The following DAB1 variants were observed in gnomAD, a reference collection of about 807,000 sequenced individuals.
DAB1 encodes disabled homolog 1.
DAB1 carries 15 observed loss-of-function variants against 64.6 expected under a neutral mutation model. The observed-to-expected ratio is 0.23, with a 90% confidence interval of 0.16 to 0.36. The LOEUF (loss-of-function observed/expected upper bound fraction) is 0.36, where lower values mean the gene tolerates loss of function less well. DAB1 is among the 10% of genes least tolerant of loss of function. DAB1 has a pLI of 1.00. For missense variants in DAB1, 596 were observed against 706.7 expected (o/e 0.84, Z 1.78); for synonymous variants, 235 against 251.9 (o/e 0.93, Z 0.64).
rs1383799970 is a variant in DAB1, at chr1:56,998,148, G to C, written c.*16-20C>G. On this transcript the variant is annotated intron_variant, in intron 14 of 14. Coordinates refer to ENST00000371236, the MANE Select transcript of DAB1 (RefSeq NM_001365792.1). Reference sequence around the variant, plus strand: ...TGGCTCCTGTGGATAAAGGAACAAAGTGAGGCCTGCTCTTTACACTTGCAT... The same window carrying C: ...TGGCTCCTGTGGATAAAGGAACAAACTGAGGCCTGCTCTTTACACTTGCAT... 6.6e-6 allele frequency: 1 copy of C among 152,644 alleles called. No individual in the cohort carries two copies. Among genetic ancestry groups the C allele is most frequent in the Non-Finnish European group, 1.5e-5 (1 of 68,054 alleles). The allele number at this position is 152,644 out of a possible 1,614,324, so 9.5% of individuals were successfully genotyped here.
intron 5 of DAB1, among the ~76,000 whole-genome samples, chr1:58,060,823 C>T (rs1191569462): frequency 3.3e-5 from 5 of 152,242 alleles, no homozygotes; most frequent in Non-Finnish European, 7.3e-5. Context: ...ATTACCTTTG[C>T]TCACACACCT....
intron 2 of DAB1, among the ~76,000 whole-genome samples, chr1:57,226,609 A>G (rs1179067954): frequency 6.6e-6 from 1 of 151,210 alleles, no homozygotes; most frequent in Non-Finnish European, 1.5e-5. Context: ...TTCAACCTAA[A>G]AACAAGAGTG....
At position 58,332,968 on chromosome 1, in the gene DAB1, T is replaced by C. The variant is rs368491044; in HGVS notation, n.309+10384A>G. Among the ~76,000 whole-genome samples the C allele has an allele frequency of 4.6e-5, 7 of 152,298 alleles. No individual in the cohort carries two copies. The East Asian group carries it at 1.2e-3, about 25-fold the overall frequency. On this transcript the variant is annotated intron_variant and non_coding_transcript_variant, in intron 4 of 20. Transcript: ENST00000485760. ...TCTTGTCACCCAGGCTGGAGTGCAA[T>C]GGCACAGTCTCGGCTCACTGCAACC...
intron 7 of DAB1, among the ~76,000 whole-genome samples, chr1:57,534,522 T>C (rs1644702704): frequency 6.6e-6 from 1 of 152,204 alleles, no homozygotes; most frequent in Non-Finnish European, 1.5e-5. Context: ...GGGAGCCCTG[T>C]TGTGGCTTCA....
At chr1:57,471,555 A>T (rs954609394) in intron 7 of DAB1, among the ~76,000 whole-genome samples, 1 of 152,136 alleles carries the variant, frequency 6.6e-6, no homozygotes, top group African/African-American at 2.4e-5. Context: ...AATCATGGGG[A>T]CAGGTCTTTT....
At chr1:58,328,993 A>C (rs1310208483) in intron 4 of DAB1, among the ~76,000 whole-genome samples, 2 of 152,202 alleles carry the variant, frequency 1.3e-5, no homozygotes, top group Non-Finnish European at 2.9e-5. Context: ...AGCTCTTGTC[A>C]TTGAATTTAA....
At chr1:57,504,010 T>C (rs1005844069) in intron 7 of DAB1, among the ~76,000 whole-genome samples, 7 of 152,188 alleles carry the variant, frequency 4.6e-5, no homozygotes, top group Admixed American at 2.0e-4. Context: ...ATAGTGCATA[T>C]AGTACCTTTA....
intron 6 of DAB1, among the ~76,000 whole-genome samples, chr1:57,801,863 GC>G (rs1195240861): frequency 6.6e-6 from 1 of 152,080 alleles, no homozygotes; most frequent in African/African-American, 2.4e-5. Context: ...TCACCATGTT[GC>G]CCAGACTGGT....
chr1:58,197,926 T>C (rs1304257694), intron 4 of DAB1, among the ~76,000 whole-genome samples: 1 of 152,220 alleles, frequency 6.6e-6, no homozygotes, highest in African/African-American at 2.4e-5. Flanking sequence ...TTGAAAGCTG[T>C]AAATGTAAAT....
At chr1:58,073,037 A>G (rs1308742719) in intron 5 of DAB1, among the ~76,000 whole-genome samples, 5 of 152,170 alleles carry the variant, frequency 3.3e-5, no homozygotes, top group Non-Finnish European at 5.9e-5. Flanking sequence ...TGTTATTTGT[A>G]TTATTATAGC....
intron 4 of DAB1, among the ~76,000 whole-genome samples, chr1:57,096,960 G>A (rs1234189275): frequency 2.0e-5 from 3 of 152,128 alleles, no homozygotes; most frequent in Non-Finnish European, 4.4e-5. Context: ...TTGCCCCATG[G>A]GATTGTAATT....
intron 5 of DAB1, among the ~76,000 whole-genome samples, chr1:57,914,589 T>C (rs1385023318): frequency 6.6e-6 from 1 of 151,768 alleles, no homozygotes; most frequent in African/African-American, 2.4e-5. Context: ...AAAAAAAGAA[T>C]CCTATGCCTG....
At chr1:57,430,916 A>C (rs1685482804) in intron 7 of DAB1, among the ~76,000 whole-genome samples, 1 of 151,998 alleles carries the variant, frequency 6.6e-6, no homozygotes, top group East Asian at 1.9e-4. Flanking sequence ...AAGAAAAAAA[A>C]AAAAAACTTG....
intron 2 of DAB1, among the ~76,000 whole-genome samples, chr1:57,289,177 G>A (rs1672570357): frequency 6.6e-6 from 1 of 152,126 alleles, no homozygotes; most frequent in Non-Finnish European, 1.5e-5. Flanking sequence ...ATCCCCAACT[G>A]AGCCAATGTC....
At chr1:57,417,276 T>C (rs269058) in intron 1 of DAB1, among the ~76,000 whole-genome samples, 2,819 of 125,492 alleles carry the variant, frequency 0.022, 83 homozygotes, top group African/African-American at 0.075. Context: ...TTGCAAATTG[T>C]TTTTTGTGAA....
chr1:57,473,842 T>A (rs762510900), intron 7 of DAB1, among the ~76,000 whole-genome samples: 1 of 152,232 alleles, frequency 6.6e-6, no homozygotes, highest in East Asian at 1.9e-4. Flanking sequence ...TACTCATTTC[T>A]ATATATTTTT....
At chr1:57,195,864 C>T (rs910736264) in intron 2 of DAB1, among the ~76,000 whole-genome samples, 6 of 152,204 alleles carry the variant, frequency 3.9e-5, no homozygotes, top group Non-Finnish European at 7.4e-5. Context: ...AGTCTAAGTG[C>T]CCAGCTTTGT....
intron 4 of DAB1, among the ~76,000 whole-genome samples, chr1:58,165,934 G>A (rs1016979727): frequency 5.3e-5 from 8 of 152,146 alleles, no homozygotes; most frequent in African/African-American, 1.7e-4. Context: ...AGCTGTTGTT[G>A]TTTTCAGTTC....
intron 4 of DAB1, among the ~76,000 whole-genome samples, chr1:58,335,163 TA>T (rs1302180886): frequency 6.6e-6 from 1 of 152,092 alleles, no homozygotes; most frequent in Admixed American, 6.6e-5. Context: ...AAAATGAGGG[TA>T]CACGTACAAA....
Sources: allele counts gnomAD v4.1 joint callset (sites outside exome capture counted in the v4.1 genomes callset), GRCh38; gene constraint gnomAD v4.1.1; transcripts MANE v1.5; gene names NCBI Gene and HGNC (gene_info 2026-07-23, HGNC 2026-07-21).